Variants in CNTLN observed in about 807,000 individuals in gnomAD.
CNTLN encodes the protein centlein.
A neutral mutation model predicts 180.0 loss-of-function variants in CNTLN; 212 were observed. That is an observed-to-expected ratio of 1.18 (90% CI 1.05 to 1.32). The LOEUF (loss-of-function observed/expected upper bound fraction) is 1.32. Ranked by LOEUF, CNTLN falls within the 40% of genes most tolerant of loss-of-function variation. The pLI, the probability that CNTLN is intolerant of heterozygous loss-of-function variation, is 0.00. For synonymous variants in CNTLN, 722 were observed against 563.1 expected (o/e 1.28, Z -3.99); for missense variants, 2,095 against 1,610.9 (o/e 1.30, Z -5.14).
intron 2 of CNTLN, among the ~76,000 whole-genome samples, chr9:17,160,250 T>A (rs1282888986): frequency 2.6e-5 from 4 of 152,180 alleles, no homozygotes; most frequent in Non-Finnish European, 5.9e-5. Context: ...CTAAGGGCCA[T>A]TTTATATCGT....
chr9:17,516,495 C>T, the CNTLN span, among the ~76,000 whole-genome samples: 1 of 152,166 alleles, frequency 6.6e-6, no homozygotes, highest in African/African-American at 2.4e-5. Flanking sequence ...CCCTTAGGTT[C>T]AATGAAGAAG....
intron 16 of CNTLN, among the ~76,000 whole-genome samples, chr9:17,410,646 T>G (rs1827776333): frequency 6.6e-6 from 1 of 152,176 alleles, no homozygotes; most frequent in Non-Finnish European, 1.5e-5. Context: ...ACCTTCCATG[T>G]TGTCTTTTCC....
At chr9:17,236,373 G>T (rs768868295) in intron 4 of CNTLN, 36 bp from the exon 5 acceptor site, 1 of 1,509,100 alleles carries the variant, frequency 6.6e-7, no homozygotes, top group Non-Finnish European at 8.8e-7. Context: ...GTTTCGTTTT[G>T]TTTTATTTAT....
intron 13 of CNTLN, among the ~76,000 whole-genome samples, chr9:17,385,623 C>T (rs1033988269): frequency 4.7e-4 from 71 of 152,082 alleles, no homozygotes; most frequent in African/African-American, 1.7e-3. Flanking sequence ...TCCACGGGTT[C>T]CACATCCCTG....
the CNTLN span, among the ~76,000 whole-genome samples, chr9:17,520,803 C>T: frequency 6.6e-6 from 1 of 152,146 alleles, no homozygotes; most frequent in Admixed American, 6.5e-5. Flanking sequence ...GTGTTTGCAA[C>T]AAAGAAAAGC....
At chr9:17,408,742 CA>C (rs1231269626) in intron 15 of CNTLN, among the ~76,000 whole-genome samples, 1 of 150,208 alleles carries the variant, frequency 6.7e-6, no homozygotes, top group Non-Finnish European at 1.5e-5. Flanking sequence ...CGGAGGTTGC[CA>C]TGAGCCAAGA....
At chr9:17,387,353 A>G (rs780233682) in intron 13 of CNTLN, among the ~76,000 whole-genome samples, 1 of 152,148 alleles carries the variant, frequency 6.6e-6, no homozygotes, top group African/African-American at 2.4e-5. Context: ...AAGAAATGTT[A>G]TATTCCAGAA....
intron 18 of CNTLN, among the ~76,000 whole-genome samples, chr9:17,445,777 C>G (rs1365535919): frequency 6.6e-6 from 1 of 151,090 alleles, no homozygotes; most frequent in African/African-American, 2.4e-5. Flanking sequence ...GCCCGACACC[C>G]GTAAAGGGTC....
At chr9:17,495,780 C>G (rs1351765210) in intron 25 of CNTLN, among the ~76,000 whole-genome samples, 1 of 152,128 alleles carries the variant, frequency 6.6e-6, no homozygotes, top group South Asian at 2.1e-4. Context: ...CCCACAGGCT[C>G]CATTCATGGT....
intron 18 of CNTLN, 147 bp downstream of exon 18, chr9:17,416,336 T>C: frequency 3.4e-6 from 2 of 582,444 alleles, no homozygotes; most frequent in Non-Finnish European, 5.7e-6. Flanking sequence ...TGTAATTAGT[T>C]TAATTACTGG....
At chr9:17,431,083 G>A (rs909760416) in intron 18 of CNTLN, among the ~76,000 whole-genome samples, 6 of 151,970 alleles carry the variant, frequency 3.9e-5, no homozygotes, top group Non-Finnish European at 7.4e-5. Flanking sequence ...TGGGATTCTT[G>A]GATCATATGG....
At chr9:17,393,981 T>C (rs1404370992) in intron 14 of CNTLN, among the ~76,000 whole-genome samples, 1 of 152,084 alleles carries the variant, frequency 6.6e-6, no homozygotes, top group Admixed American at 6.6e-5. Flanking sequence ...TTGAAATCAT[T>C]ATAATTTAAA....
At chr9:17,410,149 A>G (rs12550857) in intron 16 of CNTLN, among the ~76,000 whole-genome samples, 54,828 of 151,964 alleles carry the variant, frequency 0.36, 10,251 homozygotes, top group East Asian at 0.52. Context: ...AATATATGCT[A>G]AATGACTGCT....
At chr9:17,455,494 C>T (rs966191058) in intron 18 of CNTLN, among the ~76,000 whole-genome samples, 1 of 152,056 alleles carries the variant, frequency 6.6e-6, no homozygotes, top group African/African-American at 2.4e-5. Context: ...AGTGGAGGTA[C>T]ATTTATAGTG....
chr9:17,309,324 C>A, intron 8 of CNTLN, 72 bp downstream of exon 8: 2 of 1,231,836 alleles, frequency 1.6e-6, no homozygotes, highest in Non-Finnish European at 1.1e-6. Context: ...TTGACTAAAA[C>A]ATAAAAATTT....
chr9:17,386,267 A>G (rs981027726), intron 13 of CNTLN, among the ~76,000 whole-genome samples: 6 of 152,080 alleles, frequency 3.9e-5, no homozygotes, highest in Non-Finnish European at 8.8e-5. Flanking sequence ...TATAGAAAAT[A>G]GAATATACTA....
chr9:17,281,041 G>A (rs1828628162), intron 6 of CNTLN, among the ~76,000 whole-genome samples: 3 of 152,086 alleles, frequency 2.0e-5, no homozygotes, highest in Non-Finnish European at 2.9e-5. Context: ...GTTTATAGCA[G>A]TGAACAAAAA....
intron 12 of CNTLN, among the ~76,000 whole-genome samples, chr9:17,357,599 C>CA (rs1491135595): frequency 1.4e-5 from 2 of 144,212 alleles, no homozygotes; most frequent in Admixed American, 7.0e-5. Context: ...TATATAAATA[C>CA]TACATATATA....
chr9:17,330,919 C>A, intron 9 of CNTLN, 111 bp downstream of exon 9: 1 of 1,012,338 alleles, frequency 9.9e-7, no homozygotes, highest in Non-Finnish European at 1.5e-6. Flanking sequence ...TTTCGGGAAA[C>A]TTTTGAAAAA....
Sources: gnomAD v4.1 joint callset for allele counts (sites outside exome capture counted in the v4.1 genomes callset) on GRCh38, gnomAD v4.1.1 for gene constraint, MANE v1.5 for transcripts, NCBI Gene and HGNC (gene_info 2026-07-23, HGNC 2026-07-21) for gene names.